The following CRACD variants were observed in gnomAD, a reference collection of about 807,000 sequenced individuals.
CRACD encodes capping protein inhibiting regulator of actin dynamics.
In CRACD, 56 loss-of-function variants were observed where a neutral mutation model predicts 106.8. The observed-to-expected ratio is 0.52, with a 90% CI of 0.42 to 0.66. The LOEUF (loss-of-function observed/expected upper bound fraction) is 0.66, where lower values mean the gene tolerates loss of function less well. CRACD is among the 30% of genes least tolerant of loss of function. The pLI, the probability that CRACD is intolerant of heterozygous loss-of-function variation, is 0.00. For synonymous variants in CRACD, 754 were observed against 670.8 expected (o/e 1.12, Z -1.92); for missense variants, 1,730 against 1,623.2 (o/e 1.07, Z -1.13).
At chr4:56,265,030 C>T (rs1463382459) in intron 2 of CRACD, among the ~76,000 whole-genome samples, 1 of 152,176 alleles carries the variant, frequency 6.6e-6, no homozygotes, top group East Asian at 1.9e-4. Flanking sequence ...AAGTCTCAGT[C>T]CTCAGCCTTG....
At chr4:56,117,258 G>A (rs1734326618) in intron 1 of CRACD, among the ~76,000 whole-genome samples, 1 of 151,702 alleles carries the variant, frequency 6.6e-6, no homozygotes, top group Admixed American at 6.6e-5. Flanking sequence ...CCTGACCTTG[G>A]GATCTGCCCG....
intron 1 of CRACD, among the ~76,000 whole-genome samples, chr4:56,079,550 G>A (rs567376143): frequency 3.3e-5 from 5 of 151,168 alleles, no homozygotes; most frequent in East Asian, 2.0e-4. Flanking sequence ...CGTTCAAATC[G>A]TTCTCGTGTC....
chr4:56,062,576 T>G (rs1732315370), intron 1 of CRACD, among the ~76,000 whole-genome samples: 1 of 152,192 alleles, frequency 6.6e-6, no homozygotes, highest in Non-Finnish European at 1.5e-5. Context: ...CACATGGAAT[T>G]TTAAACTGAT....
chr4:56,223,224 CT>C (rs11341953), intron 2 of CRACD, among the ~76,000 whole-genome samples: 93,033 of 146,952 alleles, frequency 0.63, 30,204 homozygotes, highest in African/African-American at 0.78. Flanking sequence ...ATTCTTTTCT[CT>C]TTTTTTTTTT....
chr4:56,237,757 CACACAA>C (rs1560496749), intron 2 of CRACD, among the ~76,000 whole-genome samples: 1 of 107,522 alleles, frequency 9.3e-6, no homozygotes, highest in Non-Finnish European at 2.1e-5. Context: ...CACACACACA[CACACAA>C]ACACATACAC....
chr4:56,274,313 A>G (rs1304539007), intron 3 of CRACD, among the ~76,000 whole-genome samples: 1 of 152,136 alleles, frequency 6.6e-6, no homozygotes, highest in East Asian at 1.9e-4. Flanking sequence ...GTAAAATGAG[A>G]GTAAGTGGCA....
At chr4:56,129,817 A>G (rs1734768856) in intron 1 of CRACD, among the ~76,000 whole-genome samples, 1 of 152,220 alleles carries the variant, frequency 6.6e-6, no homozygotes, top group African/African-American at 2.4e-5. Context: ...CTACAGAAGC[A>G]CAAAGAAAAA....
rs193045525 is a variant in CRACD at position 56,220,262 on chromosome 4, T to C, written c.-189+40832T>C. Among the ~76,000 whole-genome samples, 179 of 152,292 alleles carry C rather than the reference T, an allele frequency of 1.2e-3. 1 individual carries two copies. Among genetic ancestry groups the C allele is most frequent in the African/African-American group, 4.2e-3 (175 of 41,580 alleles). On this transcript the variant is annotated intron_variant, in intron 2 of 10. Coordinates refer to ENST00000682029, the MANE Select transcript of CRACD (RefSeq NM_001393381.1). ...AGAAGAAAAAAAGATTAGACTGAAG[T>C]CCTTTGTTTTCTGGGAGATTAGCAC...
chr4:56,155,704 C>T (rs772156438), intron 1 of CRACD, among the ~76,000 whole-genome samples: 9 of 152,090 alleles, frequency 5.9e-5, no homozygotes, highest in African/African-American at 9.7e-5. Context: ...CACAAGTTTT[C>T]GGTTGAAACA....
chr4:56,094,396 T>C (rs1037315058), intron 1 of CRACD, among the ~76,000 whole-genome samples: 1 of 151,876 alleles, frequency 6.6e-6, no homozygotes, highest in African/African-American at 2.4e-5. Flanking sequence ...TATTTACTTA[T>C]GTATTCCATA....
chr4:56,090,234 T>G (rs1733380588), intron 1 of CRACD, among the ~76,000 whole-genome samples: 1 of 151,684 alleles, frequency 6.6e-6, no homozygotes, highest in Non-Finnish European at 1.5e-5. Flanking sequence ...ATGAAGATAA[T>G]GAACGTGAAG....
chr4:56,161,211 T>G (rs1320839062), intron 1 of CRACD, among the ~76,000 whole-genome samples: 1 of 152,176 alleles, frequency 6.6e-6, no homozygotes, highest in Non-Finnish European at 1.5e-5. Context: ...TTAATGAAAG[T>G]GATTCTATCA....
chr4:56,272,244 T>G (rs528391737), intron 2 of CRACD, 77 bp from the exon 3 acceptor site: 1 of 153,788 alleles, frequency 6.5e-6, no homozygotes, highest in East Asian at 1.9e-4. Context: ...CGGAGGCAGC[T>G]GGGTTATAAT....
At chr4:56,258,421 C>T (rs1741500002) in intron 2 of CRACD, among the ~76,000 whole-genome samples, 1 of 152,224 alleles carries the variant, frequency 6.6e-6, no homozygotes, top group Non-Finnish European at 1.5e-5. Context: ...CACATGTTCT[C>T]AGCACCTCCT....
At position 56,251,576 on chromosome 4, in the gene CRACD, G is replaced by A. The variant is rs370872892; in HGVS notation, c.-188-20745G>A. On this transcript the variant is annotated intron_variant, in intron 2 of 10. Transcript: ENST00000682029. ...CAAAACCAAGTTCAGTGGCCACTAA[G>A]GCTCATGTTTAATGAAGCGTTCTTT... Among the ~76,000 whole-genome samples the A allele has an allele frequency of 5.9e-5, 9 of 152,288 alleles. No homozygotes were observed. The South Asian group carries it at 1.9e-3, about 32-fold the overall frequency.
At chr4:56,056,367 T>C (rs1485871589) in intron 1 of CRACD, among the ~76,000 whole-genome samples, 1 of 152,228 alleles carries the variant, frequency 6.6e-6, no homozygotes, top group Admixed American at 6.5e-5. Context: ...TTTATTAAAA[T>C]AACTTCTAGT....
At chr4:56,242,843 A>T (rs17807975) in intron 2 of CRACD, among the ~76,000 whole-genome samples, 43,453 of 151,978 alleles carry the variant, frequency 0.29, 6,811 homozygotes, top group Non-Finnish European at 0.35. Flanking sequence ...GAGGGTAGGA[A>T]CGAGGACCCT....
chr4:56,298,596 C>T (rs59106370), intron 4 of CRACD, among the ~76,000 whole-genome samples: 2 of 152,048 alleles, frequency 1.3e-5, no homozygotes, highest in African/African-American at 2.4e-5. Context: ...CAAATTGTTC[C>T]CTCATATTTT....
intron 1 of CRACD, among the ~76,000 whole-genome samples, chr4:56,107,920 C>G (rs1037389217): frequency 6.6e-6 from 1 of 152,200 alleles, no homozygotes; most frequent in Non-Finnish European, 1.5e-5. Context: ...TTCATTTCCT[C>G]TTTAACAAAA....
Sources: allele counts gnomAD v4.1 joint callset (sites outside exome capture counted in the v4.1 genomes callset), GRCh38; gene constraint gnomAD v4.1.1; transcripts MANE v1.5; gene names NCBI Gene and HGNC (gene_info 2026-07-23, HGNC 2026-07-21).